GALNTL6: variants seen among roughly 807,000 people sequenced by gnomAD.
The protein encoded by GALNTL6 is polypeptide N-acetylgalactosaminyltransferase like 6.
Under a neutral mutation model 73.7 loss-of-function variants are expected in GALNTL6, and 46 were observed. That is an observed-to-expected ratio of 0.62 (90% CI 0.49 to 0.80). GALNTL6 has a LOEUF of 0.80. Among genes scored for constraint, GALNTL6 ranks in the 30% least tolerant of loss-of-function variants. GALNTL6 has a pLI of 0.00. For missense variants in GALNTL6, 604 were observed against 755.0 expected (o/e 0.80, Z 2.34); for synonymous variants, 259 against 263.7 (o/e 0.98, Z 0.17).
At chr4:172,699,163 C>T (rs1173623401) in intron 5 of GALNTL6, among the ~76,000 whole-genome samples, 2 of 152,080 alleles carry the variant, frequency 1.3e-5, no homozygotes, top group African/African-American at 2.4e-5. Context: ...CTCATGAAGG[C>T]TCTGTCCTTA....
intron 5 of GALNTL6, among the ~76,000 whole-genome samples, chr4:172,676,463 A>G (rs910010483): frequency 2.6e-5 from 4 of 152,208 alleles, no homozygotes; most frequent in Non-Finnish European, 4.4e-5. Flanking sequence ...TCTCATTTAC[A>G]GAGCCAGATT....
chr4:172,821,617 C>G (rs1162263758), intron 7 of GALNTL6, among the ~76,000 whole-genome samples: 1 of 152,158 alleles, frequency 6.6e-6, no homozygotes. Flanking sequence ...AGCTTCTGGT[C>G]TGTTTATAAC....
intron 7 of GALNTL6, among the ~76,000 whole-genome samples, chr4:172,865,207 T>C (rs1265990944): frequency 6.6e-6 from 1 of 152,236 alleles, no homozygotes; most frequent in African/African-American, 2.4e-5. Flanking sequence ...GCTGGTGCAC[T>C]AGTGCACAAT....
Position 172,068,815 on chromosome 4 carries a change from C to A in GALNTL6, c.139-160841C>A, listed in dbSNP as rs1014877605. Among the ~76,000 whole-genome samples the A allele has an allele frequency of 5.4e-5, 6 of 110,364 alleles. 1 individual carries two copies. Among genetic ancestry groups the A allele is most frequent in the Admixed American group, 2.8e-4 (3 of 10,636 alleles). 72.4% of individuals were successfully genotyped at this position (110,364 alleles called of 152,430 possible). Reference sequence around the variant, plus strand: ...AAAGAATAAATGAAATTCCTTTACCCTTGAACGTGTAGAGCTCATTGAAGT... The same window carrying A: ...AAAGAATAAATGAAATTCCTTTACCATTGAACGTGTAGAGCTCATTGAAGT... On this transcript the variant is annotated intron_variant, in intron 2 of 12. Transcript: ENST00000506823.
chr4:171,814,807 T>C lies in GALNTL6; in HGVS notation c.138+89T>C, dbSNP rs1734479357. On this transcript the variant is annotated intron_variant, in intron 2 of 12. Transcript: ENST00000506823. ...TCGAGAAAGCCGGTGTGGGATCGCCTTGGGTTTTCCCCCAAGTCTTGACAG... is the reference window on the plus strand; with the variant it reads ...TCGAGAAAGCCGGTGTGGGATCGCCCTGGGTTTTCCCCCAAGTCTTGACAG... 2.2e-6 allele frequency: 3 copies of C among 1,387,524 alleles called. No individual in the cohort carries two copies. The African/African-American group carries it at 4.2e-5, about 20-fold the overall frequency. 86.0% of individuals were successfully genotyped at this position (1,387,524 alleles called of 1,614,324 possible).
chr4:172,190,512 T>C (rs750429095), intron 2 of GALNTL6, among the ~76,000 whole-genome samples: 10 of 151,932 alleles, frequency 6.6e-5, no homozygotes, highest in Non-Finnish European at 1.3e-4. Context: ...AAAAAAAGTG[T>C]GTAAGTTAAC....
rs1404379996 is a variant in GALNTL6 at position 172,588,084 on chromosome 4, C to T, written c.554-221277C>T. On this transcript the variant is annotated intron_variant, in intron 5 of 12. Transcript: ENST00000506823. The stretch of plus-strand genomic sequence containing the variant: ...GATATTAGTAGACTAGCAAATTAAG[C>T]AACGTAGCATAATGAGAATGCTTAT... 5.3e-5 allele frequency among the ~76,000 whole-genome samples: 8 copies of T among 152,004 alleles called. 1 individual carries two copies. The highest frequency in any genetic ancestry group is 1.2e-4 in the Non-Finnish European group (8 of 68,012).
intron 3 of GALNTL6, among the ~76,000 whole-genome samples, chr4:172,260,039 T>C (rs1738204934): frequency 6.6e-6 from 1 of 151,708 alleles, no homozygotes; most frequent in Non-Finnish European, 1.5e-5. Flanking sequence ...TCCAGATGTG[T>C]TCTTTTTGCT....
chr4:172,837,296 G>T (rs1742960659), intron 7 of GALNTL6, among the ~76,000 whole-genome samples: 1 of 152,064 alleles, frequency 6.6e-6, no homozygotes, highest in African/African-American at 2.4e-5. Flanking sequence ...ATATTCCCAT[G>T]ATGCCAAACT....
chr4:172,316,363 G>A (rs900528667), intron 4 of GALNTL6, among the ~76,000 whole-genome samples: 3 of 152,166 alleles, frequency 2.0e-5, no homozygotes, highest in Non-Finnish European at 4.4e-5. Context: ...GACTTCTAAG[G>A]TGGCTGAGTA....
chr4:172,985,897 G>A (rs546878622), intron 10 of GALNTL6, among the ~76,000 whole-genome samples: 21 of 152,208 alleles, frequency 1.4e-4, no homozygotes, highest in Admixed American at 2.6e-4. Context: ...CTCTGGCTGC[G>A]TGACTCCTAA....
intron 2 of GALNTL6, among the ~76,000 whole-genome samples, chr4:171,991,759 C>CAT (rs2110738441): frequency 2.1e-5 from 3 of 143,064 alleles, no homozygotes; most frequent in Admixed American, 7.0e-5. Flanking sequence ...TATATATACA[C>CAT]ATATATATAC....
intron 4 of GALNTL6, among the ~76,000 whole-genome samples, chr4:172,314,232 G>A (rs887027646): frequency 3.9e-5 from 6 of 152,140 alleles, no homozygotes; most frequent in Admixed American, 3.9e-4. Context: ...AACTTTGTGT[G>A]ACTTTTAAAA....
At chr4:172,523,731 C>G (rs1390785) in intron 5 of GALNTL6, among the ~76,000 whole-genome samples, 62,544 of 152,022 alleles carry the variant, frequency 0.41, 15,563 homozygotes, top group South Asian at 0.67. Context: ...TGGATTGAAG[C>G]CTTCTGTAAA....
chr4:172,456,682 C>G (rs1449950395), intron 5 of GALNTL6, among the ~76,000 whole-genome samples: 1 of 151,666 alleles, frequency 6.6e-6, no homozygotes, highest in East Asian at 1.9e-4. Context: ...AACAAAGCCT[C>G]CAAGAAATAT....
At chr4:172,867,854 C>T (rs1028969333) in intron 7 of GALNTL6, among the ~76,000 whole-genome samples, 1 of 152,220 alleles carries the variant, frequency 6.6e-6, no homozygotes, top group African/African-American at 2.4e-5. Context: ...ATATGGTTAT[C>T]TGAACCATCC....
At chr4:172,427,004 G>A (rs1416437178) in intron 5 of GALNTL6, among the ~76,000 whole-genome samples, 2 of 152,032 alleles carry the variant, frequency 1.3e-5, no homozygotes, top group African/African-American at 4.8e-5. Flanking sequence ...TGTACAGCAT[G>A]TATGTAATTA....
In GALNTL6 at chr4:173,029,329, G is replaced by C. The variant is rs964530628; in HGVS notation, c.1638+7704G>C. On this transcript the variant is annotated intron_variant, in intron 12 of 12. Transcript: ENST00000506823. The stretch of plus-strand genomic sequence containing the variant: ...TATTTAATTCATTTTACTCAAGACA[G>C]ATCCCAAATATTTGAACAAATACCT... 2.6e-5 allele frequency among the ~76,000 whole-genome samples: 4 copies of C among 152,152 alleles called. No individual in the cohort carries two copies. The East Asian group carries it at 7.7e-4, about 29-fold the overall frequency.
At chr4:172,968,113 T>C (rs1381872075) in intron 10 of GALNTL6, among the ~76,000 whole-genome samples, 2 of 152,130 alleles carry the variant, frequency 1.3e-5, no homozygotes, top group South Asian at 2.1e-4. Context: ...ATAAAACTGA[T>C]GACAAGAAAT....
Sources: allele counts gnomAD v4.1 joint callset (sites outside exome capture counted in the v4.1 genomes callset), GRCh38; gene constraint gnomAD v4.1.1; transcripts MANE v1.5; gene names NCBI Gene and HGNC (gene_info 2026-07-23, HGNC 2026-07-21).